The following DYNC1I1 variants were observed in gnomAD, a reference collection of about 807,000 sequenced individuals.
The protein encoded by DYNC1I1 is cytoplasmic dynein 1 intermediate chain 1.
A neutral mutation model predicts 86.6 loss-of-function variants in DYNC1I1; 43 were observed. The ratio of observed to expected loss-of-function variants is 0.50; its 90% CI spans 0.39 to 0.64. DYNC1I1 has a LOEUF of 0.64. Ranked by LOEUF, DYNC1I1 falls within the 30% of genes least tolerant of loss-of-function variation. DYNC1I1 has a pLI of 0.00. For synonymous variants in DYNC1I1, 262 were observed against 283.7 expected (o/e 0.92, Z 0.77); for missense variants, 604 against 788.8 (o/e 0.77, Z 2.81).
downstream of DYNC1I1, among the ~76,000 whole-genome samples, chr7:96,103,031 T>G (rs1791158050): frequency 6.6e-6 from 1 of 152,100 alleles, no homozygotes; most frequent in African/African-American, 2.4e-5. Flanking sequence ...ACCAGAAGGC[T>G]CTGAACATAA....
chr7:95,814,516 A>C (rs1794904028), intron 4 of DYNC1I1, among the ~76,000 whole-genome samples: 1 of 152,064 alleles, frequency 6.6e-6, no homozygotes, highest in East Asian at 1.9e-4. Context: ...AAAGATATAA[A>C]ATTTTGCATT....
chr7:95,790,654 G>T (rs1794276226), intron 1 of DYNC1I1, among the ~76,000 whole-genome samples: 1 of 152,196 alleles, frequency 6.6e-6, no homozygotes, highest in East Asian at 1.9e-4. Context: ...GACATAAAGT[G>T]GGTGACTATG....
chr7:95,832,648 A>C (rs1255724747), intron 5 of DYNC1I1, among the ~76,000 whole-genome samples: 4 of 152,012 alleles, frequency 2.6e-5, no homozygotes, highest in African/African-American at 9.7e-5. Flanking sequence ...CTGACTTTTT[A>C]ATGATTGCCA....
intron 11 of DYNC1I1, 60 bp downstream of exon 11, chr7:96,028,381 C>G: frequency 1.3e-6 from 2 of 1,549,468 alleles, no homozygotes; most frequent in Non-Finnish European, 1.8e-6. Flanking sequence ...GAAAATAACT[C>G]TACTCAAAAA....
chr7:95,845,744 A>T (rs1789408078), intron 5 of DYNC1I1, among the ~76,000 whole-genome samples: 1 of 152,216 alleles, frequency 6.6e-6, no homozygotes, highest in South Asian at 2.1e-4. Context: ...ATTCTGACCC[A>T]TGAAGAACTG....
chr7:95,968,926 C>T (rs113185122), intron 6 of DYNC1I1, among the ~76,000 whole-genome samples: 14 of 150,946 alleles, frequency 9.3e-5, no homozygotes, highest in African/African-American at 3.4e-4. Context: ...CAAGGATGGC[C>T]ATAAAGGCTG....
At chr7:95,958,157 C>T (rs1033670648) in intron 6 of DYNC1I1, among the ~76,000 whole-genome samples, 1 of 152,110 alleles carries the variant, frequency 6.6e-6, no homozygotes, top group African/African-American at 2.4e-5. Flanking sequence ...TTGAACATTG[C>T]CAAATGTCTG....
At chr7:96,068,516 G>A (rs1391178497) in intron 14 of DYNC1I1, among the ~76,000 whole-genome samples, 2 of 152,250 alleles carry the variant, frequency 1.3e-5, no homozygotes, top group East Asian at 1.9e-4. Flanking sequence ...GCAAGAGGTA[G>A]AATTAAACGT....
chr7:95,875,812 G>A (rs529614106), intron 6 of DYNC1I1, among the ~76,000 whole-genome samples: 9 of 152,164 alleles, frequency 5.9e-5, no homozygotes, highest in Non-Finnish European at 1.2e-4. Context: ...GTTTGGCAAT[G>A]TTCCTAGGGA....
Position 96,023,206 on chromosome 7 carries a change from A to T in DYNC1I1, c.970-4969A>T, listed in dbSNP as rs192277102. Among the ~76,000 whole-genome samples, 4 of 147,902 alleles carry T rather than the reference A, an allele frequency of 2.7e-5. No individual in the cohort carries two copies. The East Asian group carries it at 7.7e-4, about 29-fold the overall frequency. ...TTTTTAGGCAAATAAAACGTCAGCC[A>T]CCATTTAACAGCATATGGCAACAAT... On this transcript the variant is annotated intron_variant, in intron 10 of 16. Coordinates refer to ENST00000447467, the MANE Select transcript of DYNC1I1 (RefSeq NM_001135556.2).
chr7:96,056,634 G>A (rs1364751241), intron 14 of DYNC1I1, among the ~76,000 whole-genome samples: 1 of 151,820 alleles, frequency 6.6e-6, no homozygotes, highest in East Asian at 1.9e-4. Flanking sequence ...GTATTCTGTG[G>A]AACTCTAACA....
rs750281458 is a variant in DYNC1I1, at chr7:96,028,185, T to G, written c.980T>G (p.Met327Arg). Residue 327 changes from methionine (M) to arginine (R), a missense_variant, in exon 11 of 17, where the codon ATG becomes AGG. By Grantham distance (91) the Met-to-Arg change is moderately conservative. Coordinates refer to ENST00000447467, the MANE Select transcript of DYNC1I1 (RefSeq NM_001135556.2). The part of the protein sequence containing the change: ...EYVFHCQSSV[M>R]SVCFARFHPN... ...CCTTTTCCCTGACAGTCCTCTGTGA[T>G]GTCGGTCTGCTTCGCCCGTTTCCAT... 7 of 1,613,904 alleles carry G rather than the reference T, an allele frequency of 4.3e-6. No homozygotes were observed. In the South Asian group the frequency reaches 4.4e-5, roughly 10 times the overall value.
At chr7:95,801,975 C>T (rs1794588447) in intron 1 of DYNC1I1, among the ~76,000 whole-genome samples, 4 of 152,068 alleles carry the variant, frequency 2.6e-5, no homozygotes, top group Admixed American at 2.6e-4. Flanking sequence ...CTCTGGCTGG[C>T]CCTCAGTCAC....
At chr7:95,976,574 CATAT>C (rs1198420006) in intron 6 of DYNC1I1, among the ~76,000 whole-genome samples, 2 of 152,184 alleles carry the variant, frequency 1.3e-5, no homozygotes, top group East Asian at 3.8e-4. Context: ...AATGAGCGAA[CATAT>C]GGGGTGGAGG....
chr7:95,904,735 T>C (rs1273423969), intron 6 of DYNC1I1, among the ~76,000 whole-genome samples: 1 of 152,204 alleles, frequency 6.6e-6, no homozygotes, highest in Non-Finnish European at 1.5e-5. Flanking sequence ...AATGTGATCT[T>C]GAATTCTTGG....
At chr7:95,942,273 A>T (rs1792249007) in intron 6 of DYNC1I1, among the ~76,000 whole-genome samples, 1 of 152,232 alleles carries the variant, frequency 6.6e-6, no homozygotes, top group Non-Finnish European at 1.5e-5. Flanking sequence ...AAAATCTAGA[A>T]GAAATCGATA....
At chr7:95,960,845 G>A (rs535307665) in intron 6 of DYNC1I1, among the ~76,000 whole-genome samples, 4 of 152,286 alleles carry the variant, frequency 2.6e-5, no homozygotes, top group African/African-American at 7.2e-5. Flanking sequence ...GTTCAGCATC[G>A]TCTAGACCTG....
At chr7:95,788,022 G>A (rs1156939559) in intron 1 of DYNC1I1, among the ~76,000 whole-genome samples, 4 of 152,110 alleles carry the variant, frequency 2.6e-5, no homozygotes, top group Non-Finnish European at 5.9e-5. Flanking sequence ...AGAATGTCTG[G>A]GGATGAGATC....
At chr7:96,047,608 G>A (rs1020979638) in intron 14 of DYNC1I1, among the ~76,000 whole-genome samples, 3 of 152,200 alleles carry the variant, frequency 2.0e-5, no homozygotes, top group Non-Finnish European at 4.4e-5. Flanking sequence ...TGGTTGCAGA[G>A]TGAAAAGGGA....
Sources: gnomAD v4.1 joint callset for allele counts (sites outside exome capture counted in the v4.1 genomes callset) on GRCh38, gnomAD v4.1.1 for gene constraint, MANE v1.5 for transcripts, NCBI Gene and HGNC (gene_info 2026-07-23, HGNC 2026-07-21) for gene names.